Variants in PDE4D observed in about 807,000 individuals in gnomAD.
PDE4D encodes the protein phosphodiesterase 4D.
PDE4D carries 24 observed loss-of-function variants against 87.4 expected under a neutral mutation model. That is an observed-to-expected ratio of 0.27 (90% CI 0.20 to 0.39). The LOEUF (loss-of-function observed/expected upper bound fraction) is 0.39. Ranked by LOEUF, PDE4D falls within the 10% of genes least tolerant of loss-of-function variation. The probability of loss-of-function intolerance (pLI) is 1.00; values close to 1 mark genes in which losing one functional copy is unlikely to be tolerated. For synonymous variants in PDE4D, 384 were observed against 383.2 expected (o/e 1.00, Z -0.02); for missense variants, 714 against 1,041.0 (o/e 0.69, Z 4.32).
intron 1 of PDE4D, among the ~76,000 whole-genome samples, chr5:59,590,443 G>C (rs1825761206): frequency 6.6e-6 from 1 of 152,156 alleles, no homozygotes; most frequent in Admixed American, 6.5e-5. Flanking sequence ...TACTTGGAAG[G>C]CTGATGCAGG....
intron 5 of PDE4D, among the ~76,000 whole-genome samples, chr5:59,105,832 A>G (rs988963867): frequency 4.6e-5 from 7 of 152,302 alleles, no homozygotes; most frequent in African/African-American, 1.4e-4. Flanking sequence ...GAGTGGGTCA[A>G]TTTAAGAAGG....
chr5:60,365,415 C>A (rs1683118719), intron 1 of PDE4D, among the ~76,000 whole-genome samples: 1 of 152,134 alleles, frequency 6.6e-6, no homozygotes, highest in African/African-American at 2.4e-5. Flanking sequence ...GTGGCCACTC[C>A]CTATAAATAG....
chr5:58,997,998 TTTC>T (rs1749628991), intron 6 of PDE4D, among the ~76,000 whole-genome samples: 1 of 152,060 alleles, frequency 6.6e-6, no homozygotes, highest in African/African-American at 2.4e-5. Flanking sequence ...GTAAGAAAAT[TTTC>T]TTATTTTTTC....
chr5:60,035,323 G>A (rs190962355), intron 2 of PDE4D, among the ~76,000 whole-genome samples: 98 of 151,660 alleles, frequency 6.5e-4, no homozygotes, highest in Admixed American at 1.2e-3. Flanking sequence ...AGCACATCAA[G>A]GTAGGTCCTC....
chr5:59,447,414 G>C (rs924947109), intron 1 of PDE4D, among the ~76,000 whole-genome samples: 30 of 152,010 alleles, frequency 2.0e-4, no homozygotes, highest in African/African-American at 7.3e-4. Flanking sequence ...CACTTTTTAG[G>C]GTGTCCATTG....
intron 1 of PDE4D, chr5:60,459,972 A>T (rs754732039): frequency 9.5e-5 from 75 of 793,522 alleles, no homozygotes; most frequent in Non-Finnish European, 1.3e-4. Flanking sequence ...CATCATCATC[A>T]TCTTCTTCTC....
chr5:59,623,356 C>T (rs541284422), intron 1 of PDE4D, among the ~76,000 whole-genome samples: 28 of 152,270 alleles, frequency 1.8e-4, no homozygotes, highest in African/African-American at 6.5e-4. Flanking sequence ...ACTTTTTCTT[C>T]CTAAGCTAGC....
chr5:59,927,773 C>T (rs1427733688), intron 3 of PDE4D, among the ~76,000 whole-genome samples: 1 of 152,186 alleles, frequency 6.6e-6, no homozygotes, highest in Non-Finnish European at 1.5e-5. Flanking sequence ...AACAAAACTG[C>T]AAGCTGATGG....
intron 1 of PDE4D, among the ~76,000 whole-genome samples, chr5:60,244,546 A>G (rs1478100741): frequency 6.6e-6 from 1 of 152,040 alleles, no homozygotes; most frequent in African/African-American, 2.4e-5. Flanking sequence ...TGACTTCCAA[A>G]TTATACTATA....
intron 1 of PDE4D, among the ~76,000 whole-genome samples, chr5:59,886,069 A>G (rs747514831): frequency 6.6e-5 from 10 of 152,252 alleles, no homozygotes; most frequent in Non-Finnish European, 1.5e-4. Flanking sequence ...CACAAACTAA[A>G]AAGACAAGGT....
intron 1 of PDE4D, among the ~76,000 whole-genome samples, chr5:59,449,315 ACCAAGAAATGTTGAGGC>A (rs1173535282): frequency 6.6e-6 from 1 of 152,198 alleles, no homozygotes; most frequent in Non-Finnish European, 1.5e-5. Context: ...TAGGTTCATT[ACCAAGAAATGTTGAGGC>A]CCAGGAAAAG....
At chr5:59,706,529 A>C (rs143481368) in intron 1 of PDE4D, among the ~76,000 whole-genome samples, 2 of 152,304 alleles carry the variant, frequency 1.3e-5, no homozygotes, top group East Asian at 3.9e-4. Context: ...AAGGTTAGCA[A>C]ATAAGAAAAC....
At chr5:60,462,642 C>G (rs1329553557) in intron 1 of PDE4D, among the ~76,000 whole-genome samples, 1 of 152,118 alleles carries the variant, frequency 6.6e-6, no homozygotes, top group African/African-American at 2.4e-5. Flanking sequence ...GATGGGACAC[C>G]AGCTCAACAG....
At chr5:59,499,400 A>AG (rs1807856661) in intron 1 of PDE4D, among the ~76,000 whole-genome samples, 1 of 151,482 alleles carries the variant, frequency 6.6e-6, no homozygotes, top group Admixed American at 6.6e-5. Flanking sequence ...TAGAGCTAGC[A>AG]GAAAAAAAAG....
At chr5:59,606,026 G>T (rs1180530982) in intron 1 of PDE4D, among the ~76,000 whole-genome samples, 1 of 151,878 alleles carries the variant, frequency 6.6e-6, no homozygotes, top group African/African-American at 2.4e-5. Context: ...AAGAACAGTT[G>T]ATATACATAT....
chr5:60,355,540 C>T (rs887317895), intron 1 of PDE4D, among the ~76,000 whole-genome samples: 1 of 152,128 alleles, frequency 6.6e-6, no homozygotes, highest in Non-Finnish European at 1.5e-5. Flanking sequence ...TAATCTACTA[C>T]AGCTGACCCT....
chr5:59,546,639 A>T (rs1417825213), intron 1 of PDE4D, among the ~76,000 whole-genome samples: 1 of 152,130 alleles, frequency 6.6e-6, no homozygotes, highest in Non-Finnish European at 1.5e-5. Flanking sequence ...CCTTTCCCCT[A>T]TCTCACATCT....
At chr5:59,255,341 A>C (rs1344366579) in intron 1 of PDE4D, among the ~76,000 whole-genome samples, 1 of 152,134 alleles carries the variant, frequency 6.6e-6, no homozygotes, top group East Asian at 1.9e-4. Flanking sequence ...ATTTATATGA[A>C]ACATTCAGAG....
chr5:59,730,965 A>T (rs1156736505), intron 1 of PDE4D, among the ~76,000 whole-genome samples: 2 of 152,102 alleles, frequency 1.3e-5, no homozygotes, highest in Non-Finnish European at 2.9e-5. Flanking sequence ...ATATCTCACC[A>T]ACTAATTGCT....
Sources: allele counts gnomAD v4.1 joint callset (sites outside exome capture counted in the v4.1 genomes callset), GRCh38; gene constraint gnomAD v4.1.1; transcripts MANE v1.5; gene names NCBI Gene and HGNC (gene_info 2026-07-23, HGNC 2026-07-21).